Variants in ZDHHC13 observed in about 807,000 individuals in gnomAD.
The protein encoded by ZDHHC13 is palmitoyltransferase ZDHHC13.
A neutral mutation model predicts 86.0 loss-of-function variants in ZDHHC13; 85 were observed. The ratio of observed to expected loss-of-function variants is 0.99; its 90% confidence interval spans 0.83 to 1.18. ZDHHC13 has a LOEUF of 1.18. Among genes scored for constraint, ZDHHC13 ranks in the 50% most tolerant of loss-of-function variants. The pLI is 0.00. For synonymous variants in ZDHHC13, 263 were observed against 246.4 expected (o/e 1.07, Z -0.63); for missense variants, 711 against 730.2 (o/e 0.97, Z 0.30).
At chr11:19,142,929 G>C in intron 1 of ZDHHC13, 49 bp from the exon 2 acceptor site, 1 of 1,523,434 alleles carries the variant, frequency 6.6e-7, no homozygotes, top group Middle Eastern at 1.7e-4. Flanking sequence ...ATGTAATTGA[G>C]TGTGACATTA....
chr11:19,142,055 C>T (rs938578406), intron 1 of ZDHHC13, among the ~76,000 whole-genome samples: 1 of 152,142 alleles, frequency 6.6e-6, no homozygotes, highest in African/African-American at 2.4e-5. Context: ...TTTATTATGT[C>T]ATAGTTTCTG....
intron 14 of ZDHHC13, 135 bp downstream of exon 14, chr11:19,166,520 TA>T: frequency 3.3e-6 from 2 of 608,660 alleles, no homozygotes. Context: ...CAAATGCCTC[TA>T]AGACTCCCTC....
chr11:19,161,286 C>A (rs1849904371), intron 10 of ZDHHC13, among the ~76,000 whole-genome samples: 1 of 151,864 alleles, frequency 6.6e-6, no homozygotes, highest in Non-Finnish European at 1.5e-5. Context: ...TAGTTATGCA[C>A]CATTGGGGCA....
chr11:19,138,614 A>G (rs1849217091), intron 1 of ZDHHC13, among the ~76,000 whole-genome samples: 1 of 151,582 alleles, frequency 6.6e-6, no homozygotes, highest in Non-Finnish European at 1.5e-5. Flanking sequence ...CAACCAAAAA[A>G]GAGAATTTTA....
intron 1 of ZDHHC13, among the ~76,000 whole-genome samples, chr11:19,121,790 T>G (rs1330543430): frequency 6.6e-6 from 1 of 152,186 alleles, no homozygotes; most frequent in Non-Finnish European, 1.5e-5. Flanking sequence ...AACATGAGAC[T>G]TAGAAGGAGC....
At position 19,133,627 on chromosome 11, in the gene ZDHHC13, A is replaced by C. The variant is rs567710676; in HGVS notation, c.28-9351A>C. ...AAGCTTGTAAGTCTAATGTTAAGCAAAACAAATGATAGAGAATACGTATGA... is the reference window on the plus strand; with the variant it reads ...AAGCTTGTAAGTCTAATGTTAAGCACAACAAATGATAGAGAATACGTATGA... On this transcript the variant is annotated intron_variant, in intron 1 of 16. Transcript: ENST00000446113. 1.1e-3 allele frequency among the ~76,000 whole-genome samples: 161 copies of C among 152,236 alleles called. 1 individual carries two copies. The highest frequency in any genetic ancestry group is 2.0e-3 in the Non-Finnish European group (137 of 68,014).
chr11:19,128,124 C>A (rs1428394631), intron 1 of ZDHHC13, among the ~76,000 whole-genome samples: 2 of 152,098 alleles, frequency 1.3e-5, no homozygotes, highest in African/African-American at 2.4e-5. Context: ...TCTCTGATTT[C>A]TTTGAGCAGT....
In ZDHHC13 at chr11:19,170,157, G is replaced by A. The variant is rs530479119; in HGVS notation, c.1475-254G>A. 3.4e-5 allele frequency: 44 copies of A among 1,278,206 alleles called. 1 individual carries two copies. In the South Asian group the frequency reaches 8.0e-4, roughly 23 times the overall value. 79.2% of individuals were successfully genotyped at this position (1,278,206 alleles called of 1,614,324 possible). On this transcript the variant is annotated intron_variant, in intron 14 of 16. Transcript: ENST00000446113. ...ATGCTGATTTTAGTAAAGATTTTAC[G>A]GACCCTTTTTCTTTATTCCTTCACT...
At chr11:19,146,373 T>C in intron 3 of ZDHHC13, 70 bp downstream of exon 3, 10 of 1,533,256 alleles carry the variant, frequency 6.5e-6, no homozygotes, top group Non-Finnish European at 8.8e-6. Flanking sequence ...TCTTTTTCTT[T>C]AAGTATGGGT....
chr11:19,119,360 C>T (rs1192616317), intron 1 of ZDHHC13, among the ~76,000 whole-genome samples: 1 of 152,178 alleles, frequency 6.6e-6, no homozygotes. Context: ...CCGCCTCGGC[C>T]TCCCAAAATG....
At chr11:19,166,165 A>T (rs1850059549) in intron 13 of ZDHHC13, 137 bp from the exon 14 acceptor site, 1 of 662,886 alleles carries the variant, frequency 1.5e-6, no homozygotes, top group Non-Finnish European at 2.6e-6. Flanking sequence ...ATTTAATGGT[A>T]CTTAAAAGCA....
At position 19,117,580 on chromosome 11, in the gene ZDHHC13, G is replaced by A. The variant is rs1848671630; in HGVS notation, c.27+304G>A. On this transcript the variant is annotated intron_variant, in intron 1 of 16. Transcript: ENST00000446113. The surrounding 1 kb of genome is among the most constrained non-coding windows in gnomAD (Gnocchi z 4.2). ...CCGGCGGGGACCTCTGTGGGCCTGG[G>A]GAGGGGACGATGGCCCTTCCCGGGA... 2 of 364,732 alleles carry A rather than the reference G, an allele frequency of 5.5e-6. No individual in the cohort carries two copies. The highest frequency in any genetic ancestry group is 9.8e-6 in the Non-Finnish European group (2 of 203,436). 22.6% of individuals were successfully genotyped at this position (364,732 alleles called of 1,614,324 possible). A position where few individuals can be genotyped will look rare whatever the true frequency, so the allele number is the denominator to read the frequency against.
intron 1 of ZDHHC13, among the ~76,000 whole-genome samples, chr11:19,141,869 C>T (rs1478408034): frequency 6.6e-6 from 1 of 152,100 alleles, no homozygotes; most frequent in African/African-American, 2.4e-5. Context: ...GTTGATTCAG[C>T]TAGTGGGACT....
At chr11:19,120,408 G>A (rs899683163) in intron 1 of ZDHHC13, among the ~76,000 whole-genome samples, 1 of 152,220 alleles carries the variant, frequency 6.6e-6, no homozygotes, top group Non-Finnish European at 1.5e-5. Flanking sequence ...CCTCTGCACA[G>A]TATAGTGGCT....
intron 16 of ZDHHC13, among the ~76,000 whole-genome samples, chr11:19,173,062 GT>G (rs1418429479): frequency 1.3e-5 from 2 of 152,212 alleles, no homozygotes; most frequent in Non-Finnish European, 2.9e-5. Flanking sequence ...TGACTTTGAA[GT>G]TTTGCCAAGG....
intron 3 of ZDHHC13, among the ~76,000 whole-genome samples, chr11:19,146,565 A>T (rs990533511): frequency 6.6e-6 from 1 of 152,200 alleles, no homozygotes; most frequent in African/African-American, 2.4e-5. Context: ...AACATTTTTT[A>T]AAAAAGGAAA....
chr11:19,175,367 G>T (rs1341198723), intron 16 of ZDHHC13, among the ~76,000 whole-genome samples: 1 of 113,578 alleles, frequency 8.8e-6, no homozygotes, highest in South Asian at 3.3e-4. Context: ...TCCAGCCTGG[G>T]TGACAGAGCG....
In ZDHHC13 at chr11:19,170,558, A is replaced by C. The variant is rs1426608234; in HGVS notation, c.1622A>C (p.Gln541Pro). 5 of 1,524,330 alleles carry C rather than the reference A, an allele frequency of 3.3e-6. No homozygotes were observed. Among genetic ancestry groups the C allele is most frequent in the Non-Finnish European group, 4.4e-6 (5 of 1,140,660 alleles). The allele number at this position is 1,524,330 out of a possible 1,614,324, so 94.4% of individuals were successfully genotyped here. ...TGGTCAACATTTTTATTATTAAATC[A>C]ACTCTTTCAGGTATTTATTTCTCTT... is the stretch of plus-strand genomic sequence containing the variant. ...FSWSTFLLLN[Q>P]LFQIAFLGLT... The change falls in exon 15 of 17, where the codon CAA becomes CCA. Residue 541 changes from glutamine (Q) to proline (P), a missense_variant. Physicochemically the swap from Gln to Pro is moderately conservative, Grantham distance 76 (BLOSUM62 -1). Coordinates refer to ENST00000446113, the MANE Select transcript of ZDHHC13 (RefSeq NM_019028.3).
chr11:19,155,827 C>G lies in ZDHHC13; in HGVS notation c.905C>G (p.Thr302Ser), dbSNP rs1408570220. The change falls in exon 9 of 17, where the codon ACC (threonine) becomes AGC (serine). Residue 302 changes from threonine to serine, a missense_variant. Thr to Ser is a moderately conservative substitution (Grantham distance 58). Coordinates refer to ENST00000446113, the MANE Select transcript of ZDHHC13 (RefSeq NM_019028.3). ...CTGCTGCTGATGCTTTCTGTGATTA[C>G]CATGTGGGCTATTGGATACATATTG... Reference protein sequence around the residue: ...LFLLLMLSVITMWAIGYILDF... With the variant: ...LFLLLMLSVISMWAIGYILDF... 2 of 1,612,738 alleles carry G rather than the reference C, an allele frequency of 1.2e-6. No individual in the cohort carries two copies. Among genetic ancestry groups the G allele is most frequent in the Non-Finnish European group, 1.7e-6 (2 of 1,179,672 alleles).
Sources: gnomAD v4.1 joint callset for allele counts (sites outside exome capture counted in the v4.1 genomes callset) on GRCh38, gnomAD v4.1.1 for gene constraint, Gnocchi (gnomAD v3.1) non-coding constraint, MANE v1.5 for transcripts, NCBI Gene and HGNC (gene_info 2026-07-23, HGNC 2026-07-21) for gene names.